Variants in IQSEC1 observed in about 807,000 individuals in gnomAD.
IQSEC1 encodes the protein IQ motif and Sec7 domain ArfGEF 1.
IQSEC1 carries 31 observed loss-of-function variants against 91.0 expected under a neutral mutation model. That is an observed-to-expected ratio of 0.34 (90% confidence interval 0.26 to 0.46). IQSEC1 has a LOEUF of 0.46. Among genes scored for constraint, IQSEC1 ranks in the 20% least tolerant of loss-of-function variants. IQSEC1 has a pLI of 1.00. For missense variants in IQSEC1, 1,388 were observed against 1,575.6 expected, an observed-to-expected ratio of 0.88 and a Z score of 2.02; for synonymous variants, 699 against 662.6, an observed-to-expected ratio of 1.05 and a Z score of -0.84.
intron 3 of IQSEC1, among the ~76,000 whole-genome samples, chr3:12,925,482 G>C (rs1697041763): frequency 6.6e-6 from 1 of 152,196 alleles, no homozygotes; most frequent in African/African-American, 2.4e-5. Context: ...TGAGGAAGTA[G>C]TCAGATGCCT....
chr3:13,279,100 C>G (rs76521775), intron 1 of IQSEC1, among the ~76,000 whole-genome samples: 2 of 152,338 alleles, frequency 1.3e-5, no homozygotes, highest in East Asian at 3.9e-4. Flanking sequence ...CCCCTGCTCC[C>G]TGGGATTTGG....
intron 1 of IQSEC1, among the ~76,000 whole-genome samples, chr3:13,067,477 A>G (rs1705274655): frequency 6.6e-6 from 1 of 152,260 alleles, no homozygotes; most frequent in South Asian, 2.1e-4. Flanking sequence ...GGCTGGGGGC[A>G]GCCATGCCAC....
intron 1 of IQSEC1, among the ~76,000 whole-genome samples, chr3:12,988,822 GA>G (rs905013374): frequency 3.3e-5 from 5 of 152,186 alleles, no homozygotes; most frequent in African/African-American, 1.2e-4. Context: ...ATTTAAAATA[GA>G]AAGGTACATG....
chr3:13,050,028 C>A (rs1704638456), intron 1 of IQSEC1, among the ~76,000 whole-genome samples: 2 of 152,050 alleles, frequency 1.3e-5, no homozygotes, highest in East Asian at 3.9e-4. Context: ...CCTGCCCTCT[C>A]CACTTCTCCC....
At chr3:13,236,351 A>C (rs1694927923) in intron 1 of IQSEC1, among the ~76,000 whole-genome samples, 1 of 152,204 alleles carries the variant, frequency 6.6e-6, no homozygotes, top group South Asian at 2.1e-4. Flanking sequence ...GCTGGACTGG[A>C]AACTGTTCTG....
chr3:13,197,021 C>T (rs767740451), intron 1 of IQSEC1, among the ~76,000 whole-genome samples: 16 of 152,030 alleles, frequency 1.1e-4, no homozygotes, highest in Non-Finnish European at 2.1e-4. Flanking sequence ...CAGTTAAGAC[C>T]CTTGCCACGA....
intron 2 of IQSEC1, among the ~76,000 whole-genome samples, chr3:13,110,275 G>A (rs930990315): frequency 7.9e-5 from 12 of 151,876 alleles, no homozygotes; most frequent in Non-Finnish European, 1.6e-4. Context: ...TTTATTTTCC[G>A]TAGGCCTGAA....
rs1018086175 is a variant in IQSEC1, at chr3:13,170,827, C to T, written c.273-6694G>A. Among the ~76,000 whole-genome samples the T allele has an allele frequency of 2.0e-5, 3 of 152,268 alleles. No individual in the cohort carries two copies. In the East Asian group the frequency reaches 5.8e-4, roughly 29 times the overall value. On this transcript the variant is annotated intron_variant, in intron 1 of 15. Transcript: ENST00000648114. ...TCTTTAGAAAGCCTTGTGCTAGGCG[C>T]GGTGGCTCACGCCTGTAATCCCAGC...
chr3:13,036,766 C>G (rs547063440), intron 1 of IQSEC1, among the ~76,000 whole-genome samples: 1 of 152,330 alleles, frequency 6.6e-6, no homozygotes, highest in African/African-American at 2.4e-5. Context: ...AAGTGAGTTC[C>G]TTGATGCTGT....
chr3:13,159,194 T>C lies in IQSEC1; in HGVS notation c.302+4910A>G, dbSNP rs573668833. ...CCTGTAATCCCAACACTTTGGGAGG[T>C]TGAGGCAAGCGGATTACTTGAGGTC... On this transcript the variant is annotated intron_variant, in intron 2 of 15. Coordinates refer to the IQSEC1 transcript ENST00000648114. Among the ~76,000 whole-genome samples the C allele has an allele frequency of 2.6e-5, 4 of 152,032 alleles. No homozygotes were observed. In the South Asian group the frequency reaches 6.3e-4, roughly 24 times the overall value.
At chr3:13,218,683 C>T (rs1439547109) in intron 1 of IQSEC1, among the ~76,000 whole-genome samples, 20 of 152,188 alleles carry the variant, frequency 1.3e-4, no homozygotes, top group Admixed American at 1.3e-3. Flanking sequence ...TGGCCCCAGG[C>T]CCAGAGGTGT....
At chr3:13,264,082 G>A (rs189981163) in intron 1 of IQSEC1, among the ~76,000 whole-genome samples, 305 of 152,322 alleles carry the variant, frequency 2.0e-3, no homozygotes, top group African/African-American at 7.0e-3. Context: ...AAAGCTCCTG[G>A]CCTGGGCTTT....
chr3:13,170,797 T>TG, intron 1 of IQSEC1, among the ~76,000 whole-genome samples: 1 of 152,328 alleles, frequency 6.6e-6, no homozygotes, highest in African/African-American at 2.4e-5. Context: ...AGCAGCCTTT[T>TG]GGAGTCTTTA....
rs749149975 is a variant in IQSEC1, at chr3:12,941,589, C to T, written c.300G>A (p.Ser100=). ...CTCCTACCTGCTTGTCCTGCAGGTC[C>T]GAGGAGAGCTCATAGCTCTCGGAGA... The part of the protein sequence containing the change: ...RSLSESYELS[S]DLQDKQVEML... The change falls in exon 2 of 14, where the codon TCG becomes TCA. Residue 100 remains serine, a synonymous_variant. Coordinates refer to ENST00000613206, the MANE Select transcript of IQSEC1 (RefSeq NM_001134382.3). 74 of 1,589,416 alleles carry T rather than the reference C, an allele frequency of 4.7e-5. No individual in the cohort carries two copies. The highest frequency in any genetic ancestry group is 3.4e-4 in the Middle Eastern group (2 of 5,938).
At chr3:13,056,205 C>G (rs1704874188) in intron 1 of IQSEC1, among the ~76,000 whole-genome samples, 1 of 152,174 alleles carries the variant, frequency 6.6e-6, no homozygotes, top group African/African-American at 2.4e-5. Context: ...ATTCTAGGCC[C>G]AATTCACTGA....
At chr3:13,183,039 C>G (rs1693871645) in intron 1 of IQSEC1, among the ~76,000 whole-genome samples, 1 of 152,072 alleles carries the variant, frequency 6.6e-6, no homozygotes, top group African/African-American at 2.4e-5. Context: ...TGGCATGCAC[C>G]TGTAGTCCCA....
chr3:13,153,196 C>T (rs1707029384), intron 2 of IQSEC1, among the ~76,000 whole-genome samples: 2 of 152,098 alleles, frequency 1.3e-5, no homozygotes, highest in South Asian at 4.1e-4. Flanking sequence ...TCCTGGCTTC[C>T]TCTCTCAGCC....
At chr3:13,222,892 C>A (rs1380369051) in intron 1 of IQSEC1, among the ~76,000 whole-genome samples, 1 of 152,234 alleles carries the variant, frequency 6.6e-6, no homozygotes, top group Non-Finnish European at 1.5e-5. Flanking sequence ...CCCCATGGCA[C>A]AGGCCCACAG....
At chr3:13,019,957 C>A (rs879733930) in intron 1 of IQSEC1, among the ~76,000 whole-genome samples, 1 of 152,194 alleles carries the variant, frequency 6.6e-6, no homozygotes, top group African/African-American at 2.4e-5. Context: ...CTCTGTGAGG[C>A]GGTGCTGCTT....
Sources: allele counts gnomAD v4.1 joint callset (sites outside exome capture counted in the v4.1 genomes callset), GRCh38; gene constraint gnomAD v4.1.1; transcripts MANE v1.5; gene names NCBI Gene and HGNC (gene_info 2026-07-23, HGNC 2026-07-21).